VPS13A: variants seen among roughly 807,000 people sequenced by gnomAD.
VPS13A encodes vacuolar protein sorting 13 homolog A.
Under a neutral mutation model 390.9 loss-of-function variants are expected in VPS13A, and 264 were observed. The observed-to-expected ratio is 0.68, with a 90% CI of 0.61 to 0.75. The LOEUF (loss-of-function observed/expected upper bound fraction) is 0.75. VPS13A is among the 30% of genes least tolerant of loss of function. The probability of loss-of-function intolerance (pLI) is 0.00; values close to 1 mark genes in which losing one functional copy is unlikely to be tolerated. For synonymous variants in VPS13A, 1,231 were observed against 1,227.1 expected (o/e 1.00, Z -0.07); for missense variants, 3,409 against 3,733.9 (o/e 0.91, Z 2.27).
At chr9:77,190,968 T>C (rs1004080794) in intron 1 of VPS13A, among the ~76,000 whole-genome samples, 4 of 152,142 alleles carry the variant, frequency 2.6e-5, no homozygotes, top group African/African-American at 7.2e-5. Context: ...CTCTCTCTTT[T>C]TTTTTCTTTG....
chr9:77,321,484 T>G lies in VPS13A; in HGVS notation c.5575-7T>G. On this transcript the variant is annotated splice_region_variant and splice_polypyrimidine_tract_variant and intron_variant, in intron 43 of 71. Transcript: ENST00000360280. ...TCATTTTATTTAGCATAACTCTTTCTTATTAGGCATTTACAGAAGCTGCCA... is the reference window on the plus strand; with the variant it reads ...TCATTTTATTTAGCATAACTCTTTCGTATTAGGCATTTACAGAAGCTGCCA... 1 of 1,613,286 alleles carries G rather than the reference T, an allele frequency of 6.2e-7. No homozygotes were observed. Among genetic ancestry groups the G allele is most frequent in the Non-Finnish European group, 8.5e-7 (1 of 1,179,502 alleles).
chr9:77,362,615 A>G (rs1221738438), intron 59 of VPS13A, among the ~76,000 whole-genome samples: 1 of 152,182 alleles, frequency 6.6e-6, no homozygotes, highest in East Asian at 1.9e-4. Flanking sequence ...GAAATTTCAT[A>G]TGAATTTTAG....
chr9:77,216,044 G>T lies in VPS13A; in HGVS notation c.754+1658G>T, dbSNP rs571629115. Among the ~76,000 whole-genome samples the T allele has an allele frequency of 1.4e-4, 21 of 152,318 alleles. No homozygotes were observed. The South Asian group carries it at 4.1e-3, about 30-fold the overall frequency. On this transcript the variant is annotated intron_variant, in intron 10 of 71. Coordinates refer to ENST00000360280, the MANE Select transcript of VPS13A (RefSeq NM_033305.3). ...GGTTCTGTAGGAGCTGGGTGTGGGA[G>T]AAGCCGTGTTCTTGCAGGAGTCTAT...
chr9:77,246,172 C>T (rs1363042546), intron 19 of VPS13A, among the ~76,000 whole-genome samples: 1 of 152,042 alleles, frequency 6.6e-6, no homozygotes, highest in Non-Finnish European at 1.5e-5. Flanking sequence ...GTAGCACAGG[C>T]TTAGGTTATT....
intron 17 of VPS13A, among the ~76,000 whole-genome samples, chr9:77,233,577 C>T (rs1823964250): frequency 1.3e-5 from 2 of 151,712 alleles, no homozygotes; most frequent in Non-Finnish European, 1.5e-5. Context: ...TTGGATACAT[C>T]CTGTATGTTT....
chr9:77,214,974 C>A (rs904267775), intron 10 of VPS13A, among the ~76,000 whole-genome samples: 37 of 152,146 alleles, frequency 2.4e-4, no homozygotes, highest in African/African-American at 8.7e-4. Context: ...CCATGTTGCC[C>A]AGGCTGGTCT....
rs774236470 is a variant in VPS13A at position 77,314,676 on chromosome 9, A to G, written c.4412+12A>G. Reference sequence around the variant, plus strand: ...AAAGCAACTCCTCGGTATGTATTGTAATGATGTTCTAAGGTTTTACTTGAG... The same window carrying G: ...AAAGCAACTCCTCGGTATGTATTGTGATGATGTTCTAAGGTTTTACTTGAG... On this transcript the variant is annotated intron_variant, in intron 37 of 71. Transcript: ENST00000360280. 6.2e-7 allele frequency: 1 copy of G among 1,608,670 alleles called. No homozygotes were observed. Among genetic ancestry groups the G allele is most frequent in the Non-Finnish European group, 8.5e-7 (1 of 1,175,772 alleles).
chr9:77,314,007 C>A lies in VPS13A; in HGVS notation c.4130C>A (p.Thr1377Lys). ...SHHSGGATVV[T>K]AAVVEVHSRA... The stretch of plus-strand genomic sequence containing the variant: ...TTTTTTCAAGGAGCAACTGTGGTGA[C>A]AGCTGCTGTGGTAGAAGTACATTCA... Residue 1377 changes from threonine to lysine, a missense_variant, in exon 36 of 72, where the codon ACA becomes AAA. Physicochemically the swap from Thr to Lys is moderately conservative, Grantham distance 78 (BLOSUM62 -1). Coordinates refer to ENST00000360280, the MANE Select transcript of VPS13A (RefSeq NM_033305.3). 1 of 1,613,044 alleles carries A rather than the reference C, an allele frequency of 6.2e-7. No homozygotes were observed. Among genetic ancestry groups the A allele is most frequent in the South Asian group, 1.1e-5 (1 of 90,970 alleles).
chr9:77,353,446 T>C lies in VPS13A; in HGVS notation c.7457T>C (p.Ile2486Thr), dbSNP rs141138349. The C allele has an allele frequency of 1.7e-3, 2,693 of 1,604,392 alleles. 3 individuals carry two copies. The highest frequency in any genetic ancestry group is 3.0e-3 in the Admixed American group (178 of 59,434). The change falls in exon 54 of 72, where the codon ATA becomes ACA. Residue 2486 changes from isoleucine to threonine, a missense_variant. By Grantham distance (89) the Ile-to-Thr change is moderately conservative. Around this residue, in one of 5 missense-constraint regions of VPS13A, gnomAD observed 2,717 missense variants for 2,917.4 expected, o/e 0.93. Coordinates refer to ENST00000360280, the MANE Select transcript of VPS13A (RefSeq NM_033305.3). ...CCTATAGATTTGGGGGAAAAGACAA[T>C]ATATTTAGTTTCATTCTTTGAAGGT... ...MMPIDLGEKTIYLVSFFEGLQ... is the reference protein window; with the variant it reads ...MMPIDLGEKTTYLVSFFEGLQ...
intron 29 of VPS13A, among the ~76,000 whole-genome samples, chr9:77,282,711 A>G (rs1827110425): frequency 6.6e-6 from 1 of 151,934 alleles, no homozygotes; most frequent in African/African-American, 2.4e-5. Flanking sequence ...CGCTGTGGGG[A>G]TTGAGGCTCA....
chr9:77,219,627 G>T (rs1823071708), intron 10 of VPS13A, among the ~76,000 whole-genome samples: 2 of 151,990 alleles, frequency 1.3e-5, no homozygotes, highest in African/African-American at 4.8e-5. Context: ...CATTCATTCT[G>T]TAAAACTGTG....
At chr9:77,385,828 G>C (rs1190216575) in intron 68 of VPS13A, among the ~76,000 whole-genome samples, 1 of 151,762 alleles carries the variant, frequency 6.6e-6, no homozygotes, top group Non-Finnish European at 1.5e-5. Context: ...CTAATTCTTA[G>C]GTTTATCAAG....
chr9:77,282,134 C>G lies in VPS13A; in HGVS notation c.2978C>G (p.Ser993Cys). ...TTTGTTCTTTAGGTAAATTTTTCCT[C>G]TTTGGATATTCATTTACACACTGAA... Reference protein sequence around the residue: ...VLQLIKVNFSSLDIHLHTEAL... With the variant: ...VLQLIKVNFSCLDIHLHTEAL... Residue 993 changes from serine (S) to cysteine (C), a missense_variant, in exon 29 of 72, where the codon TCT (serine) becomes TGT (cysteine). By Grantham distance (112) the Ser-to-Cys change is moderately radical. This residue lies in a region of VPS13A where 2,717 missense variants were observed against 2,917.4 expected (regional missense o/e 0.93). Transcript: ENST00000360280. 12 of 1,612,992 alleles carry G rather than the reference C, an allele frequency of 7.4e-6. No homozygotes were observed. The highest frequency in any genetic ancestry group is 9.3e-6 in the Non-Finnish European group (11 of 1,179,538).
At position 77,193,642 on chromosome 9, in the gene VPS13A, T is replaced by G. The variant is rs538715971; in HGVS notation, c.101-6303T>G. Among the ~76,000 whole-genome samples the G allele has an allele frequency of 5.9e-5, 9 of 152,174 alleles. No homozygotes were observed. The South Asian group carries it at 1.9e-3, about 32-fold the overall frequency. ...GGGCAAAACTCTCTCTTCAAAAAAA[T>G]AAATATATAAAATAAGAACCATTGC... On this transcript the variant is annotated intron_variant, in intron 1 of 71. Transcript: ENST00000360280.
In VPS13A at chr9:77,207,245, AT is replaced by A. The variant is rs1564630441; in HGVS notation, c.385+1167del. ...TATATATATATATATATATATATAT[AT>A]ATATATAAAACGTGTTATATGTAAC... On this transcript the variant is annotated intron_variant, in intron 5 of 71. Transcript: ENST00000360280. Among the ~76,000 whole-genome samples the A allele has an allele frequency of 3.3e-3, 368 of 112,864 alleles. 23 individuals are homozygous for A. The highest frequency in any genetic ancestry group is 8.5e-3 in the Admixed American group (88 of 10,322). 74.0% of individuals were successfully genotyped at this position (112,864 alleles called of 152,430 possible). A position where few individuals can be genotyped will look rare whatever the true frequency, so the allele number is the denominator to read the frequency against.
At chr9:77,301,989 C>G (rs193084554) in intron 33 of VPS13A, among the ~76,000 whole-genome samples, 4 of 149,574 alleles carry the variant, frequency 2.7e-5, no homozygotes, top group Admixed American at 2.7e-4. Flanking sequence ...CAGTGTTTTA[C>G]TCTTGTTGCC....
At chr9:77,274,684 C>T (rs1230225717) in intron 24 of VPS13A, among the ~76,000 whole-genome samples, 1 of 151,586 alleles carries the variant, frequency 6.6e-6, no homozygotes, top group Non-Finnish European at 1.5e-5. Flanking sequence ...TTTTTAATGA[C>T]CGTATTAGAA....
chr9:77,280,334 A>G (rs1826946362), intron 27 of VPS13A, 96 bp downstream of exon 27: 2 of 1,009,232 alleles, frequency 2.0e-6, no homozygotes, highest in Non-Finnish European at 3.1e-6. Context: ...TTTAATCTTC[A>G]CTGTAACATA....
chr9:77,305,225 A>T (rs984820953), intron 34 of VPS13A, among the ~76,000 whole-genome samples: 7 of 152,200 alleles, frequency 4.6e-5, no homozygotes, highest in African/African-American at 1.4e-4. Context: ...GGCGTGAGCC[A>T]TCACGCCTGG....
Sources: gnomAD v4.1 joint callset for allele counts (sites outside exome capture counted in the v4.1 genomes callset) on GRCh38, gnomAD v4.1.1 for gene constraint, gnomAD v4.1.1 regional missense constraint, MANE v1.5 for transcripts, NCBI Gene and HGNC (gene_info 2026-07-23, HGNC 2026-07-21) for gene names.